Variants in FAM78A observed in about 807,000 individuals in gnomAD.
FAM78A encodes protein FAM78A.
A neutral mutation model predicts 22.6 loss-of-function variants in FAM78A; 12 were observed. The ratio of observed to expected loss-of-function variants is 0.53; its 90% CI spans 0.34 to 0.86. The LOEUF (loss-of-function observed/expected upper bound fraction) is 0.86, where lower values mean the gene tolerates loss of function less well. FAM78A is among the 40% of genes least tolerant of loss of function. The pLI is 0.02. For missense variants in FAM78A, 322 were observed against 396.1 expected (o/e 0.81, Z 1.59); for synonymous variants, 151 against 155.8 (o/e 0.97, Z 0.23).
chr9:131,272,018 T>C lies in FAM78A; in HGVS notation c.323+3839A>G, dbSNP rs2131192133. Among the ~76,000 whole-genome samples the C allele has an allele frequency of 6.6e-6, 1 of 152,122 alleles. No homozygotes were observed. The highest frequency in any genetic ancestry group is 2.1e-4 in the South Asian group (1 of 4,806). On this transcript the variant is annotated intron_variant, in intron 1 of 1. Coordinates refer to ENST00000372271, the MANE Select transcript of FAM78A (RefSeq NM_033387.4). The surrounding 1 kb of genome is among the most constrained non-coding windows in gnomAD (Gnocchi z 4.1). ...TGCAAAAGTCAGGGTATTATTGAGATGGTGGTTTTTTTTTTTAATTGTTCC... is the reference window on the plus strand; with the variant it reads ...TGCAAAAGTCAGGGTATTATTGAGACGGTGGTTTTTTTTTTTAATTGTTCC...
intron 1 of FAM78A, among the ~76,000 whole-genome samples, chr9:131,269,118 AAAAG>A (rs1259372550): frequency 3.2e-4 from 48 of 151,782 alleles, no homozygotes; most frequent in African/African-American, 8.2e-4. Context: ...AAAAAAAAAA[AAAAG>A]AAGTGTATCA....
At chr9:131,268,872 G>A (rs7872361) in intron 1 of FAM78A, among the ~76,000 whole-genome samples, 54,803 of 148,618 alleles carry the variant, frequency 0.37, 10,832 homozygotes, top group East Asian at 0.71. Context: ...CAGCCTGGGC[G>A]ACAGAGCGAG....
rs369417577 is a variant in FAM78A at position 131,275,854 on chromosome 9, C to T, written c.323+3G>A. On this transcript the variant is annotated splice_donor_region_variant and intron_variant, in intron 1 of 1. Transcript: ENST00000372271. The surrounding 1 kb of genome is among the most constrained non-coding windows in gnomAD (Gnocchi z 4.6). Reference sequence around the variant, plus strand: ...CCCAGAGCTGGCTCTCGGCCGTACTCACATGCCCTGCTCGCCGTACTGGTT... The same window carrying T: ...CCCAGAGCTGGCTCTCGGCCGTACTTACATGCCCTGCTCGCCGTACTGGTT... 5 of 1,581,602 alleles carry T rather than the reference C, an allele frequency of 3.2e-6. No individual in the cohort carries two copies. The highest frequency in any genetic ancestry group is 1.3e-5 in the African/African-American group (1 of 74,510).
At position 131,276,505 on chromosome 9, in the gene FAM78A, C is replaced by A; in HGVS notation, c.-326G>T. 1 of 193,836 alleles carries A rather than the reference C, an allele frequency of 5.2e-6. No homozygotes were observed. Among genetic ancestry groups the A allele is most frequent in the Non-Finnish European group, 1.0e-5 (1 of 95,356 alleles). The allele number at this position is 193,836 out of a possible 1,614,324, so 12.0% of individuals were successfully genotyped here. A position where few individuals can be genotyped will look rare whatever the true frequency, so the allele number is the denominator to read the frequency against. On this transcript the variant is annotated 5_prime_UTR_variant, in exon 1 of 2. Transcript: ENST00000372271. The surrounding 1 kb of genome is among the most constrained non-coding windows in gnomAD (Gnocchi z 4.3). ...GCTCGCAGACTCTCCCTGAAGTCTTCGGAGGAAGCAGGCGAGCGCCGGCAG... is the reference window on the plus strand; with the variant it reads ...GCTCGCAGACTCTCCCTGAAGTCTTAGGAGGAAGCAGGCGAGCGCCGGCAG...
chr9:131,272,924 C>A lies in FAM78A; in HGVS notation c.323+2933G>T, dbSNP rs1835437992. 6.6e-6 allele frequency among the ~76,000 whole-genome samples: 1 copy of A among 151,970 alleles called. No homozygotes were observed. The highest frequency in any genetic ancestry group is 2.4e-5 in the African/African-American group (1 of 41,354). On this transcript the variant is annotated intron_variant, in intron 1 of 1. Coordinates refer to ENST00000372271, the MANE Select transcript of FAM78A (RefSeq NM_033387.4). This position sits in a 1 kb window ranked among gnomAD's most constrained non-coding sequence, Gnocchi z 4.1. ...TCCAGCCTGGGCGACAAGAATAAGA[C>A]TCTGTCTCAAAAATAAATAAATAAA... is the stretch of plus-strand genomic sequence containing the variant.
In FAM78A at chr9:131,259,717, G is replaced by A. The variant is rs957844188; in HGVS notation, c.*1105C>T. 4 of 152,660 alleles carry A rather than the reference G, an allele frequency of 2.6e-5. No homozygotes were observed. The highest frequency in any genetic ancestry group is 7.2e-5 in the African/African-American group (3 of 41,476). 9.5% of individuals were successfully genotyped at this position (152,660 alleles called of 1,614,324 possible). On this transcript the variant is annotated 3_prime_UTR_variant, in exon 2 of 2. Transcript: ENST00000372271. ...CAAGTCTTAAAATGCCCTGCAAGAAGGGACGTGAATGCCTTCCTTACCTTT... is the reference window on the plus strand; with the variant it reads ...CAAGTCTTAAAATGCCCTGCAAGAAAGGACGTGAATGCCTTCCTTACCTTT...
rs200996169 is a variant in FAM78A, at chr9:131,260,871, C to T, written c.803G>A (p.Arg268Gln). ...NANDAQVLMW[R>Q]PKYGQPLVVI... ...CACCAGCGGCTGCCCGTACTTGGGC[C>T]GCCACATGAGGACCTGGGCATCGTT... is the stretch of plus-strand genomic sequence containing the variant. Residue 268 changes from arginine (R) to glutamine (Q), a missense_variant, in exon 2 of 2, where the codon CGG becomes CAG. By Grantham distance (43) the Arg-to-Gln change is conservative (BLOSUM62 1). Transcript: ENST00000372271. The surrounding 1 kb of genome is among the most constrained non-coding windows in gnomAD (Gnocchi z 5.4). 4.8e-5 allele frequency: 74 copies of T among 1,532,274 alleles called. No individual in the cohort carries two copies. The highest frequency in any genetic ancestry group is 6.2e-5 in the Non-Finnish European group (71 of 1,138,960). The allele number at this position is 1,532,274 out of a possible 1,614,324, so 94.9% of individuals were successfully genotyped here. A position where few individuals can be genotyped will look rare whatever the true frequency, so the allele number is the denominator to read the frequency against.
At position 131,276,349 on chromosome 9, in the gene FAM78A, G is replaced by A. The variant is rs144274755; in HGVS notation, c.-170C>T. The A allele has an allele frequency of 1.9e-4, 108 of 566,380 alleles. No individual in the cohort carries two copies. Among genetic ancestry groups the A allele is most frequent in the African/African-American group, 1.7e-3 (93 of 53,348 alleles). The allele number at this position is 566,380 out of a possible 1,614,324, so 35.1% of individuals were successfully genotyped here. ...TTCTGCTGCATTTCATGAGCCCTGG[G>A]CTCTCTCTTCTTCTCCTCGCAGTGG... On this transcript the variant is annotated 5_prime_UTR_variant, in exon 1 of 2. Transcript: ENST00000372271. This position sits in a 1 kb window ranked among gnomAD's most constrained non-coding sequence, Gnocchi z 4.3.
At chr9:131,262,995 T>C (rs1348302796) in intron 1 of FAM78A, among the ~76,000 whole-genome samples, 1 of 152,110 alleles carries the variant, frequency 6.6e-6, no homozygotes, top group Non-Finnish European at 1.5e-5. Context: ...ATCCCAGCAC[T>C]TTGTTAGGCC....
intron 1 of FAM78A, chr9:131,270,317 A>G (rs1256824116): frequency 1.4e-6 from 1 of 717,588 alleles, no homozygotes; most frequent in East Asian, 2.7e-5. Flanking sequence ...TCCCACAAAC[A>G]ACAGGTGAAG....
At position 131,275,868 on chromosome 9, in the gene FAM78A, G is replaced by A; in HGVS notation, c.312C>T (p.Gly104=). 1.3e-6 allele frequency: 2 copies of A among 1,591,276 alleles called. No individual in the cohort carries two copies. Among genetic ancestry groups the A allele is most frequent in the Non-Finnish European group, 1.7e-6 (2 of 1,166,398 alleles). ...CSHMEFYNQY[G]EQGMSSWELP... is the part of the protein sequence containing the mutation. The stretch of plus-strand genomic sequence containing the variant: ...TCGGCCGTACTCACATGCCCTGCTC[G>A]CCGTACTGGTTGTAGAACTCCATGT... The change falls in exon 1 of 2, where the codon GGC becomes GGT. Residue 104 remains glycine (G), a synonymous_variant. Transcript: ENST00000372271. This position sits in a 1 kb window ranked among gnomAD's most constrained non-coding sequence, Gnocchi z 4.6.
chr9:131,260,744 T>G lies in FAM78A; in HGVS notation c.*78A>C, dbSNP rs528817779. ...GGTAGAATGGTTGTATCTTGCTGAA[T>G]GACTGAAGAGTGAGTCTGAGTTTTG... On this transcript the variant is annotated 3_prime_UTR_variant, in exon 2 of 2. Coordinates refer to ENST00000372271, the MANE Select transcript of FAM78A (RefSeq NM_033387.4). This position sits in a 1 kb window ranked among gnomAD's most constrained non-coding sequence, Gnocchi z 5.4. 6.8e-7 allele frequency: 1 copy of G among 1,470,568 alleles called. No individual in the cohort carries two copies. The highest frequency in any genetic ancestry group is 1.4e-5 in the African/African-American group (1 of 71,008). The allele number at this position is 1,470,568 out of a possible 1,614,324, so 91.1% of individuals were successfully genotyped here. A position where few individuals can be genotyped will look rare whatever the true frequency, so the allele number is the denominator to read the frequency against.
Position 131,275,168 on chromosome 9 carries a change from AGAG to A in FAM78A, c.323+686_323+688del, listed in dbSNP as rs1394001802. Reference sequence around the variant, plus strand: ...TCTGGAGACCGGGCTTTGGGGCTGCAGAGGAGAGGCTCCTCTTTGCTGTTCCTG... The same window carrying A: ...TCTGGAGACCGGGCTTTGGGGCTGCAGAGAGGCTCCTCTTTGCTGTTCCTG... On this transcript the variant is annotated intron_variant, in intron 1 of 1. Coordinates refer to ENST00000372271, the MANE Select transcript of FAM78A (RefSeq NM_033387.4). This position sits in a 1 kb window ranked among gnomAD's most constrained non-coding sequence, Gnocchi z 4.6. Among the ~76,000 whole-genome samples, 2 of 152,208 alleles carry A rather than the reference AGAG, an allele frequency of 1.3e-5. No individual in the cohort carries two copies. Among genetic ancestry groups the A allele is most frequent in the Admixed American group, 1.3e-4 (2 of 15,284 alleles).
At chr9:131,266,280 C>A (rs1405072890) in intron 1 of FAM78A, among the ~76,000 whole-genome samples, 4 of 152,230 alleles carry the variant, frequency 2.6e-5, no homozygotes, top group African/African-American at 4.8e-5. Context: ...GGCCATGACT[C>A]CCCTATGCCC....
upstream of FAM78A, among the ~76,000 whole-genome samples, chr9:131,278,042 AGGCGGC>A (rs906070271): frequency 6.9e-6 from 1 of 145,572 alleles, no homozygotes; most frequent in Non-Finnish European, 1.5e-5. Flanking sequence ...GCAGGTCCGC[AGGCGGC>A]GGCGGCGGCG....
At chr9:131,263,239 C>CA (rs35417885) in intron 1 of FAM78A, among the ~76,000 whole-genome samples, 47,624 of 105,608 alleles carry the variant, frequency 0.45, 9,280 homozygotes, top group East Asian at 0.63. Context: ...GACTCCATCT[C>CA]AAAAAAAAAA....
Position 131,275,118 on chromosome 9 carries a change from G to A in FAM78A, c.323+739C>T, listed in dbSNP as rs533855681. ...GCCCCAGGGTCCCAGGGTCCTCACC[G>A]GGACCCCCAATACCCTAGGCACACT... On this transcript the variant is annotated intron_variant, in intron 1 of 1. Coordinates refer to ENST00000372271, the MANE Select transcript of FAM78A (RefSeq NM_033387.4). This position sits in a 1 kb window ranked among gnomAD's most constrained non-coding sequence, Gnocchi z 4.6. 7.2e-5 allele frequency among the ~76,000 whole-genome samples: 11 copies of A among 152,286 alleles called. No homozygotes were observed. The highest frequency in any genetic ancestry group is 2.2e-4 in the African/African-American group (9 of 41,568).
In FAM78A at chr9:131,276,210, A is replaced by C. The variant is rs766189286; in HGVS notation, c.-31T>G. ...GGACAGAGGCTGCAGGACCCAGTAC[A>C]GACGGCGCTGCTCTCCAATCTCAAC... On this transcript the variant is annotated 5_prime_UTR_variant, in exon 1 of 2. Coordinates refer to ENST00000372271, the MANE Select transcript of FAM78A (RefSeq NM_033387.4). The surrounding 1 kb of genome is among the most constrained non-coding windows in gnomAD (Gnocchi z 4.3). The C allele has an allele frequency of 3.8e-6, 6 of 1,572,154 alleles. No individual in the cohort carries two copies. Among genetic ancestry groups the C allele is most frequent in the Non-Finnish European group, 5.2e-6 (6 of 1,153,648 alleles).
At position 131,260,714 on chromosome 9, in the gene FAM78A, G is replaced by A. The variant is rs1437913817; in HGVS notation, c.*108C>T. ...TCAGCACAGTGAGATCCGCCCGCTG[G>A]AGAGGGTAGAATGGTTGTATCTTGC... On this transcript the variant is annotated 3_prime_UTR_variant, in exon 2 of 2. Coordinates refer to ENST00000372271, the MANE Select transcript of FAM78A (RefSeq NM_033387.4). This position sits in a 1 kb window ranked among gnomAD's most constrained non-coding sequence, Gnocchi z 5.4. The A allele has an allele frequency of 2.2e-6, 3 of 1,379,638 alleles. No individual in the cohort carries two copies. The African/African-American group carries it at 4.3e-5, about 20-fold the overall frequency. 85.5% of individuals were successfully genotyped at this position (1,379,638 alleles called of 1,614,324 possible).
Sources: gnomAD v4.1 joint callset for allele counts (sites outside exome capture counted in the v4.1 genomes callset) on GRCh38, gnomAD v4.1.1 for gene constraint, Gnocchi (gnomAD v3.1) non-coding constraint, MANE v1.5 for transcripts, NCBI Gene and HGNC (gene_info 2026-07-23, HGNC 2026-07-21) for gene names.